Variants in TCP11L2 observed in about 807,000 individuals in gnomAD.
TCP11L2 encodes the protein T-complex protein 11-like protein 2.
In TCP11L2, 39 loss-of-function variants were observed where a neutral mutation model predicts 50.7. That is an observed-to-expected ratio of 0.77 (90% CI 0.60 to 1.01). The LOEUF (loss-of-function observed/expected upper bound fraction) is 1.01. TCP11L2 is among the 50% of genes least tolerant of loss of function. The pLI is 0.00. For missense variants in TCP11L2, 612 were observed against 614.7 expected, an observed-to-expected ratio of 1.00 and a Z score of 0.05; for synonymous variants, 192 against 219.3, an observed-to-expected ratio of 0.88 and a Z score of 1.10.
intron 1 of TCP11L2, among the ~76,000 whole-genome samples, chr12:106,305,724 C>T (rs973179646): frequency 2.6e-5 from 4 of 152,100 alleles, no homozygotes; most frequent in Non-Finnish European, 5.9e-5. Context: ...AAGGTTACCT[C>T]GTAGTTGGTG....
intron 6 of TCP11L2, among the ~76,000 whole-genome samples, chr12:106,332,633 G>T (rs1285956941): frequency 3.3e-5 from 5 of 152,236 alleles, no homozygotes; most frequent in African/African-American, 1.2e-4. Context: ...AAGGCTGAAA[G>T]TCCAAAATGA....
chr12:106,309,013 C>T (rs886345439), intron 1 of TCP11L2, among the ~76,000 whole-genome samples: 4 of 152,194 alleles, frequency 2.6e-5, no homozygotes, highest in African/African-American at 9.7e-5. Context: ...ATACAGGAGA[C>T]GCGCTGCAGA....
intron 6 of TCP11L2, among the ~76,000 whole-genome samples, chr12:106,330,523 C>T (rs993187504): frequency 2.0e-5 from 3 of 152,054 alleles, no homozygotes; most frequent in Non-Finnish European, 4.4e-5. Context: ...CCCTCAACAA[C>T]GAAGAATTAT....
At chr12:106,335,996 C>T (rs2035905575) in intron 7 of TCP11L2, 36 bp from the exon 8 acceptor site, 7 of 1,538,926 alleles carry the variant, frequency 4.5e-6, no homozygotes, top group Non-Finnish European at 6.1e-6. Flanking sequence ...TATTGAGCTA[C>T]CCTTTCTATT....
chr12:106,319,069 G>T (rs970747750), intron 4 of TCP11L2, among the ~76,000 whole-genome samples: 4 of 151,992 alleles, frequency 2.6e-5, no homozygotes, highest in Admixed American at 6.5e-5. Flanking sequence ...CCGCCACCGC[G>T]CCCAGCTAAT....
At chr12:106,326,925 AG>A (rs1427965032) in intron 6 of TCP11L2, among the ~76,000 whole-genome samples, 1 of 152,116 alleles carries the variant, frequency 6.6e-6, no homozygotes, top group Non-Finnish European at 1.5e-5. Context: ...TTCAAAGGGG[AG>A]GGAGTAAAGT....
intron 6 of TCP11L2, chr12:106,329,858 T>G (rs2035686374): frequency 1.0e-6 from 1 of 985,700 alleles, no homozygotes. Context: ...AAAACAGAAC[T>G]AGCAAACCAA....
intron 6 of TCP11L2, chr12:106,329,388 G>A (rs1010214759): frequency 3.9e-6 from 6 of 1,535,940 alleles, no homozygotes; most frequent in Admixed American, 3.9e-5. Context: ...ACCAGAGAGA[G>A]CAGTCACCGT....
At chr12:106,336,705 G>A (rs770873592) in intron 8 of TCP11L2, among the ~76,000 whole-genome samples, 21 of 151,986 alleles carry the variant, frequency 1.4e-4, no homozygotes, top group East Asian at 1.2e-3. Flanking sequence ...GGCATGCGCC[G>A]CCACGCCCAG....
chr12:106,319,816 A>G (rs2035270811), intron 4 of TCP11L2, among the ~76,000 whole-genome samples: 1 of 152,288 alleles, frequency 6.6e-6, no homozygotes, highest in Non-Finnish European at 1.5e-5. Context: ...ATACTGGCTC[A>G]GAGCGCAAGC....
chr12:106,314,300 CT>C (rs2034979812), intron 2 of TCP11L2, 57 bp from the exon 3 acceptor site: 1 of 1,573,610 alleles, frequency 6.4e-7, no homozygotes. Flanking sequence ...CATCAGGAGG[CT>C]TCGTTGGATG....
chr12:106,329,551 G>A, intron 6 of TCP11L2: 1 of 1,421,372 alleles, frequency 7.0e-7, no homozygotes, highest in South Asian at 1.5e-5. Context: ...CCTGAGCCCT[G>A]CCTCAGACAG....
chr12:106,329,077 A>C (rs532558601), intron 6 of TCP11L2, among the ~76,000 whole-genome samples: 11 of 139,802 alleles, frequency 7.9e-5, no homozygotes, highest in African/African-American at 3.1e-4. Context: ...GTTGCCAGGC[A>C]AAAAAAAAAG....
At position 106,321,609 on chromosome 12, in the gene TCP11L2, A is replaced by T. The variant is rs780578715; in HGVS notation, c.538A>T (p.Asn180Tyr). 1 of 1,614,232 alleles carries T rather than the reference A, an allele frequency of 6.2e-7. No homozygotes were observed. The change falls in exon 5 of 10, where the codon AAC (asparagine) becomes TAC (tyrosine). Residue 180 changes from asparagine to tyrosine, a missense_variant. By Grantham distance (143) the Asn-to-Tyr change is moderately radical (BLOSUM62 -2). Transcript: ENST00000299045. ...TGCTGTTGACATCCAAGGCCTGGCC[A>T]ACTATGTCATCAGTACGATGGGAAA... ...HSAVDIQGLA[N>Y]YVISTMGKLC...
intron 3 of TCP11L2, 108 bp downstream of exon 3, chr12:106,314,601 G>C (rs1592938214): frequency 7.0e-6 from 6 of 863,196 alleles, no homozygotes; most frequent in East Asian, 2.7e-5. Context: ...GAGAGAGAGA[G>C]ACAGAGAGAG....
chr12:106,338,786 G>T (rs2036001006), intron 8 of TCP11L2, among the ~76,000 whole-genome samples: 1 of 152,192 alleles, frequency 6.6e-6, no homozygotes, highest in South Asian at 2.1e-4. Context: ...CACCAGCAGT[G>T]TATAAGTGCT....
At chr12:106,341,667 G>A (rs7299140) in intron 9 of TCP11L2, among the ~76,000 whole-genome samples, 3,368 of 152,264 alleles carry the variant, frequency 0.022, 119 homozygotes, top group African/African-American at 0.077. Context: ...TAGTTTTCCC[G>A]CCTCCAGCTC....
intron 4 of TCP11L2, among the ~76,000 whole-genome samples, chr12:106,320,185 G>T (rs2035285340): frequency 6.6e-6 from 1 of 152,176 alleles, no homozygotes; most frequent in African/African-American, 2.4e-5. Context: ...CGGATCACAA[G>T]GTCGGGGGAT....
chr12:106,321,601 G>T lies in TCP11L2; in HGVS notation c.530G>T (p.Gly177Val). The change falls in exon 5 of 10, where the codon GGC becomes GTC. Residue 177 changes from glycine to valine, a missense_variant. By Grantham distance (109) the Gly-to-Val change is moderately radical (BLOSUM62 -3). Coordinates refer to ENST00000299045, the MANE Select transcript of TCP11L2 (RefSeq NM_152772.3). ...GAGCACAGTGCTGTTGACATCCAAG[G>T]CCTGGCCAACTATGTCATCAGTACG... ...QAEHSAVDIQ[G>V]LANYVISTMG... The T allele has an allele frequency of 6.2e-7, 1 of 1,614,198 alleles. No homozygotes were observed. Among genetic ancestry groups the T allele is most frequent in the Non-Finnish European group, 8.5e-7 (1 of 1,180,054 alleles).
Sources: allele counts gnomAD v4.1 joint callset (sites outside exome capture counted in the v4.1 genomes callset), GRCh38; gene constraint gnomAD v4.1.1; transcripts MANE v1.5; gene names NCBI Gene and HGNC (gene_info 2026-07-23, HGNC 2026-07-21).